The following SEMA5A variants were observed in gnomAD, a reference collection of about 807,000 sequenced individuals.
SEMA5A encodes the protein semaphorin-5A.
SEMA5A carries 55 observed loss-of-function variants against 135.5 expected under a neutral mutation model. That is an observed-to-expected ratio of 0.41 (90% CI 0.33 to 0.51). The LOEUF is 0.51. Ranked by LOEUF, SEMA5A falls within the 20% of genes least tolerant of loss-of-function variation. The pLI, the probability that SEMA5A is intolerant of heterozygous loss-of-function variation, is 0.37. For synonymous variants in SEMA5A, 580 were observed against 546.5 expected, an observed-to-expected ratio of 1.06 and a Z score of -0.85; for missense variants, 1,290 against 1,419.9, an observed-to-expected ratio of 0.91 and a Z score of 1.47.
chr5:9,480,528 G>T (rs183815072), intron 1 of SEMA5A, among the ~76,000 whole-genome samples: 5 of 152,126 alleles, frequency 3.3e-5, no homozygotes, highest in South Asian at 4.1e-4. Flanking sequence ...AATTAGATTC[G>T]TTTTTGGTGG....
intron 2 of SEMA5A, among the ~76,000 whole-genome samples, chr5:9,419,750 G>A (rs539788957): frequency 1.3e-5 from 2 of 152,228 alleles, no homozygotes; most frequent in Non-Finnish European, 2.9e-5. Flanking sequence ...TTTATCATCT[G>A]GGAGCATTCC....
chr5:9,339,965 A>G (rs1051534554), intron 3 of SEMA5A, among the ~76,000 whole-genome samples: 1 of 152,224 alleles, frequency 6.6e-6, no homozygotes, highest in African/African-American at 2.4e-5. Flanking sequence ...AGATGAAGTC[A>G]AGGTAAACAA....
intron 10 of SEMA5A, among the ~76,000 whole-genome samples, chr5:9,196,351 G>T (rs929336880): frequency 3.9e-5 from 6 of 152,136 alleles, no homozygotes; most frequent in African/African-American, 1.4e-4. Flanking sequence ...TACCCCAAAG[G>T]TGTCTCTCCA....
intron 3 of SEMA5A, among the ~76,000 whole-genome samples, chr5:9,357,323 G>A (rs912158850): frequency 6.6e-6 from 1 of 151,982 alleles, no homozygotes; most frequent in Non-Finnish European, 1.5e-5. Flanking sequence ...AATATGAAAG[G>A]GGAAAACTGC....
chr5:9,318,438 G>C (rs764946449), intron 4 of SEMA5A, 21 bp from the exon 5 acceptor site: 2 of 1,601,550 alleles, frequency 1.2e-6, no homozygotes, highest in East Asian at 4.5e-5. Context: ...CAAAAACAGA[G>C]CAGTTTTATT....
intron 5 of SEMA5A, among the ~76,000 whole-genome samples, chr5:9,248,975 C>T (rs1015577223): frequency 1.3e-5 from 2 of 152,158 alleles, no homozygotes; most frequent in Admixed American, 6.6e-5. Flanking sequence ...AAAACTAATA[C>T]ATACATACAT....
At chr5:9,192,898 A>G (rs1448898135) in intron 10 of SEMA5A, among the ~76,000 whole-genome samples, 2 of 152,054 alleles carry the variant, frequency 1.3e-5, no homozygotes, top group Admixed American at 6.6e-5. Flanking sequence ...TGAAAACCGG[A>G]TGGCATAATA....
chr5:9,339,312 G>A (rs1753540054), intron 3 of SEMA5A, among the ~76,000 whole-genome samples: 1 of 152,146 alleles, frequency 6.6e-6, no homozygotes, highest in African/African-American at 2.4e-5. Context: ...TAAAACAAGA[G>A]GAAAGATTTG....
In SEMA5A at chr5:9,062,946, C is replaced by T; in HGVS notation, c.2459G>A (p.Gly820Glu). 1 of 1,614,226 alleles carries T rather than the reference C, an allele frequency of 6.2e-7. No individual in the cohort carries two copies. The highest frequency in any genetic ancestry group is 8.5e-7 in the Non-Finnish European group (1 of 1,180,038). Residue 820 changes from glycine (G) to glutamate (E), a missense_variant, in exon 18 of 23, where the codon GGA becomes GAA. This residue lies in a region of SEMA5A where 1,029 missense variants were observed against 1,086.6 expected (regional missense o/e 0.95). Transcript: ENST00000382496. ...CAGAGATGGGCCAAGGCAAGGCATT[C>T]CCCCATACTTGGGTTCGGGGTTGTT... is the stretch of plus-strand genomic sequence containing the variant. ...VCNNPEPKYG[G>E]MPCLGPSLEY...
intron 2 of SEMA5A, among the ~76,000 whole-genome samples, chr5:9,410,981 CT>C (rs57301427): frequency 0.44 from 64,788 of 145,626 alleles, 14,263 homozygotes; most frequent in South Asian, 0.52. Flanking sequence ...TCCATCTGGA[CT>C]TTTTTTTTTT....
At chr5:9,203,399 C>G (rs1381740036) in intron 8 of SEMA5A, among the ~76,000 whole-genome samples, 1 of 152,178 alleles carries the variant, frequency 6.6e-6, no homozygotes, top group Non-Finnish European at 1.5e-5. Flanking sequence ...TACAATTGCA[C>G]TGCAATAATA....
At chr5:9,386,176 C>T (rs1396467800) in intron 2 of SEMA5A, among the ~76,000 whole-genome samples, 1 of 152,108 alleles carries the variant, frequency 6.6e-6, no homozygotes, top group Non-Finnish European at 1.5e-5. Flanking sequence ...ATCAGATGAA[C>T]TGCTCACACA....
intron 3 of SEMA5A, among the ~76,000 whole-genome samples, chr5:9,377,548 AAG>A (rs1050304016): frequency 3.3e-5 from 5 of 152,200 alleles, no homozygotes; most frequent in African/African-American, 1.2e-4. Context: ...ACAAAAAAAA[AAG>A]AGAGAGAAAA....
In SEMA5A at chr5:9,545,198, G is replaced by A. The variant is rs1019101683; in HGVS notation, c.-175+386C>T. ...CCCGACCTCCGTGTCCCCTGCCCCCGGCTCGCGGCAGTGCGAGCCTGGAGG... is the reference window on the plus strand; with the variant it reads ...CCCGACCTCCGTGTCCCCTGCCCCCAGCTCGCGGCAGTGCGAGCCTGGAGG... On this transcript the variant is annotated intron_variant, in intron 1 of 22. Coordinates refer to ENST00000382496, the MANE Select transcript of SEMA5A (RefSeq NM_003966.3). This position sits in a 1 kb window ranked among gnomAD's most constrained non-coding sequence, Gnocchi z 4.5. Among the ~76,000 whole-genome samples the A allele has an allele frequency of 6.6e-6, 1 of 152,036 alleles. No individual in the cohort carries two copies. The highest frequency in any genetic ancestry group is 6.5e-5 in the Admixed American group (1 of 15,284).
chr5:9,180,129 C>T (rs1484881549), intron 11 of SEMA5A, among the ~76,000 whole-genome samples: 1 of 152,144 alleles, frequency 6.6e-6, no homozygotes, highest in Admixed American at 6.5e-5. Context: ...ACAAGCACAC[C>T]AGTCATATTG....
chr5:9,224,131 T>C (rs1006603868), intron 8 of SEMA5A, among the ~76,000 whole-genome samples: 10 of 152,182 alleles, frequency 6.6e-5, no homozygotes, highest in African/African-American at 2.4e-4. Context: ...CAGTGAATAC[T>C]CGCCTCCTTA....
intron 14 of SEMA5A, among the ~76,000 whole-genome samples, chr5:9,122,387 T>C (rs1740858552): frequency 2.0e-5 from 3 of 152,192 alleles, no homozygotes; most frequent in African/African-American, 4.8e-5. Context: ...AACATGGATG[T>C]TTTCCTTAAA....
intron 5 of SEMA5A, among the ~76,000 whole-genome samples, chr5:9,287,275 T>A (rs1353758966): frequency 1.3e-5 from 2 of 152,236 alleles, no homozygotes; most frequent in Non-Finnish European, 2.9e-5. Context: ...GTTAATTGAA[T>A]ATCTGTTAAG....
At chr5:9,423,046 A>G (rs16882720) in intron 2 of SEMA5A, among the ~76,000 whole-genome samples, 3,925 of 152,218 alleles carry the variant, frequency 0.026, 142 homozygotes, top group East Asian at 0.13. Flanking sequence ...TACTGCCCTC[A>G]GTGAGCTCAA....
Sources: allele counts gnomAD v4.1 joint callset (sites outside exome capture counted in the v4.1 genomes callset), GRCh38; gene constraint gnomAD v4.1.1; regional missense constraint gnomAD v4.1.1; non-coding constraint Gnocchi (gnomAD v3.1); transcripts MANE v1.5; gene names NCBI Gene and HGNC (gene_info 2026-07-23, HGNC 2026-07-21).